The following TENM3 variants were observed in gnomAD, a reference collection of about 807,000 sequenced individuals.
The protein encoded by TENM3 is teneurin transmembrane protein 3.
In TENM3, 63 loss-of-function variants were observed where a neutral mutation model predicts 255.1. The observed-to-expected ratio is 0.25, with a 90% CI of 0.20 to 0.30. The LOEUF (loss-of-function observed/expected upper bound fraction) is 0.30, where lower values mean the gene tolerates loss of function less well. TENM3 is among the 10% of genes least tolerant of loss of function. The pLI, the probability that TENM3 is intolerant of heterozygous loss-of-function variation, is 1.00. For synonymous variants in TENM3, 1,306 were observed against 1,322.3 expected, an observed-to-expected ratio of 0.99 and a Z score of 0.27; for missense variants, 2,929 against 3,461.1, an observed-to-expected ratio of 0.85 and a Z score of 3.86.
intron 2 of TENM3, among the ~76,000 whole-genome samples, chr4:182,337,180 A>G (rs966028786): frequency 6.6e-6 from 1 of 152,238 alleles, no homozygotes; most frequent in Admixed American, 6.5e-5. Flanking sequence ...TGGAATAAAT[A>G]TAAAAGAAAA....
chr4:181,518,919 G>A, the TENM3 span, among the ~76,000 whole-genome samples: 1 of 152,160 alleles, frequency 6.6e-6, no homozygotes, highest in African/African-American at 2.4e-5. Context: ...ATTGCCCGTA[G>A]TACAATATGG....
At chr4:181,892,532 C>A in the TENM3 span, among the ~76,000 whole-genome samples, 1 of 152,130 alleles carries the variant, frequency 6.6e-6, no homozygotes, top group Non-Finnish European at 1.5e-5. Context: ...ATTAAGGGTC[C>A]GTATGAACTG....
the TENM3 span, among the ~76,000 whole-genome samples, chr4:181,737,076 A>G: frequency 6.6e-6 from 1 of 152,156 alleles, no homozygotes; most frequent in Non-Finnish European, 1.5e-5. Context: ...CAGGTCTTCC[A>G]TCAGCTACCG....
chr4:182,060,424 C>T, the TENM3 span, among the ~76,000 whole-genome samples: 4 of 152,028 alleles, frequency 2.6e-5, no homozygotes, highest in Admixed American at 6.6e-5. Context: ...AGCATGCAAC[C>T]GAGATCCCTT....
the TENM3 span, among the ~76,000 whole-genome samples, chr4:181,933,817 G>T: frequency 3.9e-5 from 6 of 152,164 alleles, no homozygotes; most frequent in African/African-American, 1.4e-4. Context: ...GATATCACAA[G>T]AAATATTGTA....
chr4:182,704,666 C>A (rs1758135728), intron 12 of TENM3, among the ~76,000 whole-genome samples: 1 of 152,040 alleles, frequency 6.6e-6, no homozygotes, highest in Non-Finnish European at 1.5e-5. Context: ...TGTAGTTATT[C>A]AGATAATTTT....
the TENM3 span, among the ~76,000 whole-genome samples, chr4:181,671,226 T>C: frequency 2.6e-5 from 4 of 152,312 alleles, no homozygotes; most frequent in South Asian, 6.2e-4. Flanking sequence ...CCTCCTATTA[T>C]AAATATGAGA....
At chr4:182,302,867 T>C (rs190183133) in intron 1 of TENM3, among the ~76,000 whole-genome samples, 3 of 152,178 alleles carry the variant, frequency 2.0e-5, no homozygotes, top group African/African-American at 7.2e-5. Flanking sequence ...GAGATATCCA[T>C]GTATTGAGAC....
At chr4:181,916,532 A>G in the TENM3 span, among the ~76,000 whole-genome samples, 20 of 152,170 alleles carry the variant, frequency 1.3e-4, no homozygotes, top group Non-Finnish European at 2.6e-4. Context: ...TAAAAGGGTT[A>G]TTGAAAGTAT....
the TENM3 span, among the ~76,000 whole-genome samples, chr4:181,793,972 GT>G: frequency 6.6e-6 from 1 of 152,038 alleles, no homozygotes; most frequent in Non-Finnish European, 1.5e-5. Context: ...TTGTTTTAGT[GT>G]TTCCACATTA....
At chr4:182,547,201 T>G (rs2151913900) in intron 3 of TENM3, among the ~76,000 whole-genome samples, 1 of 152,220 alleles carries the variant, frequency 6.6e-6, no homozygotes, top group East Asian at 1.9e-4. Context: ...GTCTCCCAAC[T>G]TAGTACAAAA....
At chr4:181,828,583 C>CT in the TENM3 span, among the ~76,000 whole-genome samples, 4 of 151,740 alleles carry the variant, frequency 2.6e-5, no homozygotes, top group Non-Finnish European at 5.9e-5. Flanking sequence ...TTTTTTTCTT[C>CT]TTTTTTTTCT....
chr4:182,661,145 G>T (rs1754189106), intron 6 of TENM3, among the ~76,000 whole-genome samples: 1 of 150,094 alleles, frequency 6.7e-6, no homozygotes, highest in Non-Finnish European at 1.5e-5. Flanking sequence ...ATATGCATAT[G>T]ATTTATGCTG....
chr4:181,613,309 C>T, the TENM3 span, among the ~76,000 whole-genome samples: 1 of 152,166 alleles, frequency 6.6e-6, no homozygotes, highest in African/African-American at 2.4e-5. Context: ...GGATTCCTTC[C>T]CCTCGGGAAC....
chr4:182,773,859 T>C (rs1270265388), intron 23 of TENM3: 1 of 408,880 alleles, frequency 2.4e-6, no homozygotes, highest in Non-Finnish European at 4.3e-6. Flanking sequence ...ATCCTTGGAA[T>C]AGTGTCTGTT....
the TENM3 span, among the ~76,000 whole-genome samples, chr4:181,928,948 G>A: frequency 6.6e-6 from 1 of 152,136 alleles, no homozygotes; most frequent in Non-Finnish European, 1.5e-5. Context: ...AAGCGAAGAA[G>A]AAATAAAATC....
upstream of TENM3, chr4:182,143,519 T>C (rs1749629926): frequency 6.0e-6 from 1 of 166,906 alleles, no homozygotes; most frequent in Non-Finnish European, 1.5e-5. The surrounding 1 kb of genome is among the most constrained non-coding windows in gnomAD (Gnocchi z 4.3). Context: ...CCTCCTCGGG[T>C]GACTCAGCTG....
chr4:181,690,418 A>C, the TENM3 span, among the ~76,000 whole-genome samples: 3 of 152,222 alleles, frequency 2.0e-5, no homozygotes, highest in Non-Finnish European at 2.9e-5. Flanking sequence ...GTCAAAGCAA[A>C]GACCATTTGT....
the TENM3 span, among the ~76,000 whole-genome samples, chr4:181,592,256 A>AACACACACACACACACACACACAC: frequency 0.044 from 6,475 of 148,262 alleles, 180 homozygotes; most frequent in South Asian, 0.1. Flanking sequence ...TTTAAACACA[A>AACACACACACACACACACACACAC]ACACACACAC....
Sources: gnomAD v4.1 joint callset for allele counts (sites outside exome capture counted in the v4.1 genomes callset) on GRCh38, gnomAD v4.1.1 for gene constraint, Gnocchi (gnomAD v3.1) non-coding constraint, MANE v1.5 for transcripts, NCBI Gene and HGNC (gene_info 2026-07-23, HGNC 2026-07-21) for gene names.